Variants in CCDC178 observed in about 807,000 individuals in gnomAD.
CCDC178 encodes coiled-coil domain-containing protein 178.
CCDC178 carries 126 observed loss-of-function variants against 117.4 expected under a neutral mutation model. That is an observed-to-expected ratio of 1.07 (90% CI 0.93 to 1.24). The LOEUF is 1.24. Ranked by LOEUF, CCDC178 falls within the 50% of genes most tolerant of loss-of-function variation. CCDC178 has a pLI of 0.00. For missense variants in CCDC178, 1,030 were observed against 986.9 expected (o/e 1.04, Z -0.59); for synonymous variants, 283 against 313.4 (o/e 0.90, Z 1.02).
chr18:33,087,103 A>G (rs1200775099), intron 21 of CCDC178, among the ~76,000 whole-genome samples: 1 of 152,036 alleles, frequency 6.6e-6, no homozygotes, highest in Non-Finnish European at 1.5e-5. Context: ...GTCCATCATC[A>G]CACTCAATAA....
intron 22 of CCDC178, among the ~76,000 whole-genome samples, chr18:32,971,539 A>G (rs2054925538): frequency 6.6e-6 from 1 of 152,224 alleles, no homozygotes; most frequent in Admixed American, 6.5e-5. Flanking sequence ...GTATATACCC[A>G]GTAATGGGAT....
intron 20 of CCDC178, among the ~76,000 whole-genome samples, chr18:33,190,505 T>C (rs1015396741): frequency 7.2e-5 from 11 of 152,192 alleles, no homozygotes; most frequent in African/African-American, 2.7e-4. Flanking sequence ...TTTTGTTTTC[T>C]GGGTAATACT....
chr18:33,018,360 C>T (rs181490801), intron 21 of CCDC178, among the ~76,000 whole-genome samples: 207 of 152,104 alleles, frequency 1.4e-3, no homozygotes, highest in Non-Finnish European at 2.4e-3. Context: ...ATTCTGGCAG[C>T]TCCTCAAAAT....
chr18:33,419,350 C>T (rs2063991398), intron 2 of CCDC178, among the ~76,000 whole-genome samples: 1 of 152,118 alleles, frequency 6.6e-6, no homozygotes, highest in Admixed American at 6.6e-5. Flanking sequence ...TGGAAGATAA[C>T]CTAGGAAATA....
At chr18:33,099,495 C>T (rs753729582) in intron 20 of CCDC178, among the ~76,000 whole-genome samples, 39 of 151,916 alleles carry the variant, frequency 2.6e-4, no homozygotes, top group Non-Finnish European at 4.3e-4. Flanking sequence ...ACAAGACAAG[C>T]GGGCTCCAAG....
At chr18:33,150,547 C>T (rs2058329467) in intron 20 of CCDC178, among the ~76,000 whole-genome samples, 2 of 152,010 alleles carry the variant, frequency 1.3e-5, no homozygotes, top group African/African-American at 4.8e-5. Flanking sequence ...GAAAACTCAT[C>T]AAAAAGTGGT....
intron 10 of CCDC178, among the ~76,000 whole-genome samples, chr18:33,327,400 T>C (rs947991755): frequency 1.3e-5 from 2 of 152,240 alleles, no homozygotes; most frequent in Non-Finnish European, 2.9e-5. Flanking sequence ...CTAATGAATA[T>C]TTATGTACAA....
At chr18:33,137,790 A>G (rs797000292) in intron 20 of CCDC178, among the ~76,000 whole-genome samples, 8 of 152,302 alleles carry the variant, frequency 5.3e-5, no homozygotes, top group African/African-American at 1.7e-4. Flanking sequence ...CTGGCCAAAT[A>G]GAAGGTGCAA....
chr18:33,141,169 C>A (rs969392246), intron 20 of CCDC178, among the ~76,000 whole-genome samples: 1 of 152,072 alleles, frequency 6.6e-6, no homozygotes, highest in Non-Finnish European at 1.5e-5. Context: ...TCTTTATCAG[C>A]AGCATGAAAA....
intron 6 of CCDC178, among the ~76,000 whole-genome samples, chr18:33,364,583 C>T (rs1236447026): frequency 6.6e-6 from 1 of 151,890 alleles, no homozygotes; most frequent in African/African-American, 2.4e-5. Flanking sequence ...GAAGACACAA[C>T]TGACGGAGCA....
chr18:33,164,137 C>T (rs1306716451), intron 20 of CCDC178, among the ~76,000 whole-genome samples: 3 of 132,420 alleles, frequency 2.3e-5, no homozygotes, highest in East Asian at 4.5e-4. Context: ...AACAGAGTTT[C>T]GCTCTTGTTG....
chr18:33,278,906 C>T (rs929485212), intron 12 of CCDC178, among the ~76,000 whole-genome samples: 34 of 152,032 alleles, frequency 2.2e-4, no homozygotes, highest in African/African-American at 6.5e-4. Context: ...AATTCAACAA[C>T]GTTCATGCTA....
chr18:33,230,262 G>A (rs1193097980), intron 15 of CCDC178, among the ~76,000 whole-genome samples: 1 of 152,088 alleles, frequency 6.6e-6, no homozygotes, highest in Non-Finnish European at 1.5e-5. Flanking sequence ...GTGTGTGTGT[G>A]TGTGTGTGTG....
intron 11 of CCDC178, among the ~76,000 whole-genome samples, chr18:33,304,290 T>C (rs1007814652): frequency 1.5e-4 from 23 of 152,180 alleles, no homozygotes; most frequent in Admixed American, 9.2e-4. Flanking sequence ...ACATTGCTGG[T>C]TGTTGGCAGC....
intron 20 of CCDC178, among the ~76,000 whole-genome samples, chr18:33,169,885 A>C (rs1216999272): frequency 6.6e-6 from 1 of 152,184 alleles, no homozygotes; most frequent in Non-Finnish European, 1.5e-5. Flanking sequence ...TCTACGTATC[A>C]TTGCACAAAG....
At chr18:33,392,068 T>C (rs1367897996) in intron 4 of CCDC178, among the ~76,000 whole-genome samples, 1 of 152,080 alleles carries the variant, frequency 6.6e-6, no homozygotes, top group Non-Finnish European at 1.5e-5. Flanking sequence ...TTTTGTCATG[T>C]TGGCAAGGCT....
At chr18:33,321,423 AAT>A (rs1373612864) in intron 11 of CCDC178, among the ~76,000 whole-genome samples, 1 of 152,144 alleles carries the variant, frequency 6.6e-6, no homozygotes, top group Non-Finnish European at 1.5e-5. Context: ...AAAAAATAAA[AAT>A]AGTTATTTTG....
At chr18:33,378,901 T>C (rs2144785064) in intron 5 of CCDC178, among the ~76,000 whole-genome samples, 1 of 151,452 alleles carries the variant, frequency 6.6e-6, no homozygotes, top group African/African-American at 2.4e-5. Flanking sequence ...TGTTTTCTTT[T>C]TTCATTGTGT....
chr18:33,130,418 T>C (rs1023735848), intron 20 of CCDC178, among the ~76,000 whole-genome samples: 2 of 152,054 alleles, frequency 1.3e-5, no homozygotes, highest in African/African-American at 2.4e-5. Context: ...ATTATGTAGT[T>C]TGACTTAACA....
Sources: gnomAD v4.1 joint callset for allele counts (sites outside exome capture counted in the v4.1 genomes callset) on GRCh38, gnomAD v4.1.1 for gene constraint, MANE v1.5 for transcripts, NCBI Gene and HGNC (gene_info 2026-07-23, HGNC 2026-07-21) for gene names.